Variants in UMODL1 observed in about 807,000 individuals in gnomAD.
The protein encoded by UMODL1 is uromodulin-like 1.
In UMODL1, 128 loss-of-function variants were observed where a neutral mutation model predicts 136.3. The observed-to-expected ratio is 0.94, with a 90% CI of 0.81 to 1.09. The LOEUF is 1.09. UMODL1 is among the 50% of genes least tolerant of loss of function. The probability of loss-of-function intolerance (pLI) is 0.00; values close to 1 mark genes in which losing one functional copy is unlikely to be tolerated. For missense variants in UMODL1, 1,766 were observed against 1,725.6 expected (o/e 1.02, Z -0.41); for synonymous variants, 721 against 720.0 (o/e 1.00, Z -0.02).
intron 14 of UMODL1, among the ~76,000 whole-genome samples, chr21:42,116,375 G>T (rs1317203971): frequency 2.6e-5 from 4 of 151,506 alleles, no homozygotes; most frequent in Non-Finnish European, 5.9e-5. Flanking sequence ...AAGAATTCTA[G>T]TCTCATCCAA....
intron 4 of UMODL1, chr21:42,086,384 C>A: frequency 2.6e-6 from 1 of 378,124 alleles, no homozygotes; most frequent in East Asian, 7.3e-5. Context: ...CACTCCTTGG[C>A]CGTTAGACTA....
chr21:42,079,750 G>T (rs572069832), intron 2 of UMODL1, among the ~76,000 whole-genome samples: 1 of 152,228 alleles, frequency 6.6e-6, no homozygotes, highest in Non-Finnish European at 1.5e-5. Context: ...GGAGGCCCGC[G>T]CCTCCACCAC....
intron 2 of UMODL1, among the ~76,000 whole-genome samples, chr21:42,076,672 A>G (rs773806069): frequency 1.3e-5 from 2 of 152,154 alleles, no homozygotes; most frequent in Admixed American, 6.5e-5. Context: ...TATACCACTG[A>G]GTGTGAGAGC....
At chr21:42,105,828 G>A (rs1025970817) in intron 9 of UMODL1, among the ~76,000 whole-genome samples, 52 of 152,192 alleles carry the variant, frequency 3.4e-4, no homozygotes, top group East Asian at 1.9e-4. Flanking sequence ...GCTGTTTCAG[G>A]CCCCCCAGCT....
At chr21:42,077,868 G>A (rs571933785) in intron 2 of UMODL1, among the ~76,000 whole-genome samples, 2 of 152,306 alleles carry the variant, frequency 1.3e-5, no homozygotes, top group East Asian at 3.9e-4. Flanking sequence ...GCAAACCAGG[G>A]TGTCTGCCTC....
At chr21:42,094,883 G>A (rs1208315643) in intron 6 of UMODL1, among the ~76,000 whole-genome samples, 3 of 151,958 alleles carry the variant, frequency 2.0e-5, no homozygotes, top group African/African-American at 4.8e-5. Flanking sequence ...CCCATGAACT[G>A]GGTGGCTTCA....
upstream of UMODL1, among the ~76,000 whole-genome samples, chr21:42,070,179 C>T (rs1260555046): frequency 1.3e-5 from 2 of 152,186 alleles, no homozygotes; most frequent in Non-Finnish European, 2.9e-5. Flanking sequence ...CTGGAGGAAT[C>T]GTTTTGTATC....
chr21:42,073,794 C>T (rs886084005), intron 1 of UMODL1, among the ~76,000 whole-genome samples: 4 of 150,784 alleles, frequency 2.7e-5, no homozygotes, highest in African/African-American at 9.8e-5. Context: ...ATTTCTGCTC[C>T]CATCTCTGTG....
At chr21:42,117,040 C>T (rs1190765066) in intron 14 of UMODL1, among the ~76,000 whole-genome samples, 1 of 152,074 alleles carries the variant, frequency 6.6e-6, no homozygotes, top group Non-Finnish European at 1.5e-5. Flanking sequence ...CTTGCCACTG[C>T]ACTCCAGCCT....
Position 42,099,097 on chromosome 21 carries a change from TG to T in UMODL1, c.1105del (p.Glu369ArgfsTer8). 1 of 1,614,148 alleles carries T rather than the reference TG, an allele frequency of 6.2e-7. No homozygotes were observed. Among genetic ancestry groups the T allele is most frequent in the East Asian group, 2.2e-5 (1 of 44,878 alleles). On this transcript the variant is annotated frameshift_variant, in exon 7 of 23. Transcript: ENST00000408910. LOFTEE classifies it high-confidence loss of function. This position sits in a 1 kb window ranked among gnomAD's most constrained non-coding sequence, Gnocchi z 4.1. ...TQSQALAVAG[L>X]EAGVLYRVKT... ...AGCCAGGCACTGGCAGTGGCTGGGC[TG>T]GAGGCTGGAGTGCTGTACAGGGTGA...
chr21:42,087,965 A>G (rs2066445190), intron 4 of UMODL1, among the ~76,000 whole-genome samples: 1 of 152,218 alleles, frequency 6.6e-6, no homozygotes, highest in African/African-American at 2.4e-5. Flanking sequence ...ATATTGGATT[A>G]GAACCCACCT....
chr21:42,090,057 G>C (rs148752189), intron 5 of UMODL1, among the ~76,000 whole-genome samples: 1 of 152,232 alleles, frequency 6.6e-6, no homozygotes, highest in Non-Finnish European at 1.5e-5. Flanking sequence ...TGCCCGGTGA[G>C]CCAGCCGCGA....
intron 21 of UMODL1, among the ~76,000 whole-genome samples, chr21:42,132,940 C>G (rs573979518): frequency 1.5e-4 from 23 of 152,342 alleles, no homozygotes; most frequent in African/African-American, 5.5e-4. Context: ...TGCTACTTTT[C>G]ACTTGTAACC....
intron 6 of UMODL1, among the ~76,000 whole-genome samples, chr21:42,092,104 G>A (rs2146454200): frequency 6.6e-6 from 1 of 152,364 alleles, no homozygotes; most frequent in Non-Finnish European, 1.5e-5. Flanking sequence ...GCAGGAAAGT[G>A]CCTGTGGGAA....
Position 42,108,128 on chromosome 21 carries a change from G to C in UMODL1, c.1520-1434G>C, listed in dbSNP as rs141291067. On this transcript the variant is annotated intron_variant, in intron 9 of 22. Coordinates refer to ENST00000408910, the MANE Select transcript of UMODL1 (RefSeq NM_001004416.3). The stretch of plus-strand genomic sequence containing the variant: ...TCTGAGCTCGCTTGGGAGCTGTCTG[G>C]GGGGACGGAGGAGTGAAGATTAGGT... 2.6e-5 allele frequency among the ~76,000 whole-genome samples: 4 copies of C among 152,330 alleles called. No homozygotes were observed. In the East Asian group the frequency reaches 7.7e-4, roughly 29 times the overall value.
intron 21 of UMODL1, among the ~76,000 whole-genome samples, chr21:42,130,121 G>A (rs1185803178): frequency 6.6e-6 from 1 of 152,184 alleles, no homozygotes; most frequent in African/African-American, 2.4e-5. Context: ...AATGTTTTGA[G>A]CTGCATAATA....
intron 10 of UMODL1, 116 bp from the exon 11 acceptor site, chr21:42,110,764 C>T: frequency 9.5e-7 from 1 of 1,050,232 alleles, no homozygotes; most frequent in South Asian, 1.7e-5. Context: ...GCGTCCCTGG[C>T]CAGGTCCACT....
At chr21:42,096,773 G>A (rs542187125) in intron 6 of UMODL1, among the ~76,000 whole-genome samples, 16 of 152,304 alleles carry the variant, frequency 1.1e-4, no homozygotes, top group East Asian at 9.6e-4. Context: ...TTTGCAGGGC[G>A]TTTTGCTGTC....
At chr21:42,121,918 G>C (rs943238172) in intron 16 of UMODL1, among the ~76,000 whole-genome samples, 1 of 152,200 alleles carries the variant, frequency 6.6e-6, no homozygotes, top group African/African-American at 2.4e-5. Context: ...CATGGTGGGT[G>C]GGTGCCGTGG....
Sources: gnomAD v4.1 joint callset for allele counts (sites outside exome capture counted in the v4.1 genomes callset) on GRCh38, gnomAD v4.1.1 for gene constraint, Gnocchi (gnomAD v3.1) non-coding constraint, MANE v1.5 for transcripts, NCBI Gene and HGNC (gene_info 2026-07-23, HGNC 2026-07-21) for gene names.